The following KHSRP variants were observed in gnomAD, a reference collection of about 807,000 sequenced individuals.
The protein encoded by KHSRP is far upstream element-binding protein 2.
A neutral mutation model predicts 94.9 loss-of-function variants in KHSRP; 13 were observed. The observed-to-expected ratio is 0.14, with a 90% CI of 0.09 to 0.22. The LOEUF (loss-of-function observed/expected upper bound fraction) is 0.22, where lower values mean the gene tolerates loss of function less well. KHSRP is among the 10% of genes least tolerant of loss of function. KHSRP has a pLI of 1.00. For missense variants in KHSRP, 710 were observed against 1,010.0 expected, an observed-to-expected ratio of 0.70 and a Z score of 4.03; for synonymous variants, 495 against 401.4, an observed-to-expected ratio of 1.23 and a Z score of -2.79.
rs778396349 is a variant in KHSRP at position 6,415,009 on chromosome 19, C to T, written c.*15G>A. ...CTCCCGGAGACCTCCGGCCACACGG[C>T]CCCCGCTGCAGGCATCAAGGGCACA... is the stretch of plus-strand genomic sequence containing the variant. On this transcript the variant is annotated 3_prime_UTR_variant, in exon 19 of 19. Transcript: ENST00000600480. 1 of 1,456,216 alleles carries T rather than the reference C, an allele frequency of 6.9e-7. No individual in the cohort carries two copies. The highest frequency in any genetic ancestry group is 1.4e-5 in the South Asian group (1 of 70,108). 90.2% of individuals were successfully genotyped at this position (1,456,216 alleles called of 1,614,324 possible).
Position 6,416,348 on chromosome 19 carries a change from C to T in KHSRP, c.1548G>A (p.Gly516=). 6.2e-7 allele frequency: 1 copy of T among 1,610,058 alleles called. No individual in the cohort carries two copies. Among genetic ancestry groups the T allele is most frequent in the African/African-American group, 1.3e-5 (1 of 74,824 alleles). Residue 516 remains glycine (G), a synonymous_variant, in exon 15 of 19, where the codon GGG becomes GGA. Transcript: ENST00000600480. ...PGGPGPAGPM[G]PFNPGPFNQG... is the part of the protein sequence containing the mutation. ...GGTTGAAGGGCCCAGGATTGAAGGG[C>T]CCCATTGGGCCAGCAGGGCCTGGGC... is the stretch of plus-strand genomic sequence containing the variant.
intron 7 of KHSRP, 109 bp downstream of exon 7, chr19:6,419,094 A>T: frequency 8.2e-7 from 1 of 1,212,528 alleles, no homozygotes; most frequent in Non-Finnish European, 1.2e-6. Flanking sequence ...AGATGGGGGC[A>T]AGAATGGAGG....
At position 6,416,264 on chromosome 19, in the gene KHSRP, C is replaced by T. The variant is rs771015700; in HGVS notation, c.1598+34G>A. 1.1e-5 allele frequency: 17 copies of T among 1,520,502 alleles called. No individual in the cohort carries two copies. The Admixed American group carries it at 1.7e-4, about 15-fold the overall frequency. The allele number at this position is 1,520,502 out of a possible 1,614,324, so 94.2% of individuals were successfully genotyped here. A position where few individuals can be genotyped will look rare whatever the true frequency, so the allele number is the denominator to read the frequency against. On this transcript the variant is annotated intron_variant, in intron 15 of 18. Transcript: ENST00000600480. ...TCTTCTTGCCAGCTCAGTAAGCCCC[C>T]GGCCTCAAAACCCAGGAGGCAGAGG...
intron 10 of KHSRP, 33 bp from the exon 11 acceptor site, chr19:6,417,874 C>T (rs372710717): frequency 1.5e-4 from 244 of 1,606,392 alleles, no homozygotes; most frequent in Non-Finnish European, 1.9e-4. Context: ...CAGCTCGGCC[C>T]GCAGCTCTGC....
Position 6,414,724 on chromosome 19 carries a change from T to C in KHSRP, c.*300A>G. 9.6e-7 allele frequency: 1 copy of C among 1,045,784 alleles called. No homozygotes were observed. 64.8% of individuals were successfully genotyped at this position (1,045,784 alleles called of 1,614,324 possible). A position where few individuals can be genotyped will look rare whatever the true frequency, so the allele number is the denominator to read the frequency against. On this transcript the variant is annotated 3_prime_UTR_variant, in exon 19 of 19. Transcript: ENST00000600480. ...ATAAAAAGAACAAAAACCAAAAAAG[T>C]GATGCAGAGAAGGGGAAAAAATAGA...
intron 1 of KHSRP, 66 bp downstream of exon 1, chr19:6,424,387 A>AC (rs993464247): frequency 3.7e-5 from 29 of 774,224 alleles, no homozygotes; most frequent in Non-Finnish European, 3.7e-5. Flanking sequence ...CGCGCACGTG[A>AC]CCCCCGCCCC....
rs886849971 is a variant in KHSRP, at chr19:6,420,208, A to G, written c.476-64T>C. ...GGGAAGGGAGCCCAGGCCTCAGGAG[A>G]CTGTGTGGCCGGGGCCCCAGCCCCT... On this transcript the variant is annotated intron_variant, in intron 5 of 18. Coordinates refer to ENST00000600480, the MANE Select transcript of KHSRP (RefSeq NM_001366299.1). The G allele has an allele frequency of 6.8e-6, 10 of 1,463,796 alleles. No homozygotes were observed. The African/African-American group carries it at 1.4e-4, about 20-fold the overall frequency. 90.7% of individuals were successfully genotyped at this position (1,463,796 alleles called of 1,614,324 possible).
In KHSRP at chr19:6,415,163, G is replaced by C; in HGVS notation, c.2105C>G (p.Pro702Arg). 2 of 1,607,106 alleles carry C rather than the reference G, an allele frequency of 1.2e-6. No individual in the cohort carries two copies. The highest frequency in any genetic ancestry group is 8.5e-7 in the Non-Finnish European group (1 of 1,179,064). The change falls in exon 19 of 19, where the codon CCC (proline) becomes CGC (arginine). Residue 702 changes from proline (P) to arginine (R), a missense_variant. Around this residue, in one of 5 missense-constraint regions of KHSRP, gnomAD observed 292 missense variants for 340.5 expected, o/e 0.86. Transcript: ENST00000600480. ...TGCCTGCTGCTGTCCCTGCTGCGTGGGCGGCGGCTGGGGGCCGCCAGGACC... is the reference window on the plus strand; with the variant it reads ...TGCCTGCTGCTGTCCCTGCTGCGTGCGCGGCGGCTGGGGGCCGCCAGGACC... ...TPGPGGPQPP[P>R]TQQGQQQASG...
chr19:6,423,877 C>T (rs1038542698), intron 1 of KHSRP, among the ~76,000 whole-genome samples: 3 of 152,304 alleles, frequency 2.0e-5, no homozygotes, highest in Middle Eastern at 3.4e-3. Context: ...CCCAAAGAGA[C>T]AGACCACGCT....
rs1599234476 is a variant in KHSRP at position 6,414,456 on chromosome 19, C to G, written c.*568G>C. The stretch of plus-strand genomic sequence containing the variant: ...GCGCAGCACGACGACATGAACAATC[C>G]AGAGATCATGGTGTCCCCACAACAC... On this transcript the variant is annotated 3_prime_UTR_variant, in exon 19 of 19. Coordinates refer to ENST00000600480, the MANE Select transcript of KHSRP (RefSeq NM_001366299.1). The G allele has an allele frequency of 8.5e-7, 1 of 1,180,750 alleles. No homozygotes were observed. The highest frequency in any genetic ancestry group is 1.0e-6 in the Non-Finnish European group (1 of 952,412). 73.1% of individuals were successfully genotyped at this position (1,180,750 alleles called of 1,614,324 possible).
chr19:6,414,430 G>GGCGCAGCAC lies in KHSRP; in HGVS notation c.*585_*593dup. The GGCGCAGCAC allele has an allele frequency of 1.6e-6, 2 of 1,257,550 alleles. No individual in the cohort carries two copies. The highest frequency in any genetic ancestry group is 2.0e-6 in the Non-Finnish European group (2 of 998,808). The allele number at this position is 1,257,550 out of a possible 1,614,324, so 77.9% of individuals were successfully genotyped here. A position where few individuals can be genotyped will look rare whatever the true frequency, so the allele number is the denominator to read the frequency against. ...CTGTCTCCGGAGGGCGGTGGCTCCCGGCGCAGCACGACGACATGAACAATC... is the reference window on the plus strand; with the variant it reads ...CTGTCTCCGGAGGGCGGTGGCTCCCGGCGCAGCACGCGCAGCACGACGACATGAACAATC... On this transcript the variant is annotated 3_prime_UTR_variant, in exon 19 of 19. Coordinates refer to ENST00000600480, the MANE Select transcript of KHSRP (RefSeq NM_001366299.1).
At chr19:6,419,945 C>T (rs1237772851) in intron 6 of KHSRP, 128 bp downstream of exon 6, 3 of 713,402 alleles carry the variant, frequency 4.2e-6, no homozygotes, top group South Asian at 1.7e-5. Context: ...GAGCCTGGTC[C>T]GTAGTAAGCA....
chr19:6,415,508 G>GC (rs760905596), intron 17 of KHSRP, 26 bp downstream of exon 17: 148 of 1,538,904 alleles, frequency 9.6e-5, no homozygotes, highest in African/African-American at 5.1e-4. Flanking sequence ...CAGGGCTGGA[G>GC]CCCCCCCGCC....
intron 1 of KHSRP, 78 bp from the exon 2 acceptor site, chr19:6,422,514 A>C: frequency 9.5e-7 from 1 of 1,056,616 alleles, no homozygotes; most frequent in Non-Finnish European, 1.5e-6. Flanking sequence ...TTCTCAGAAC[A>C]TCTCCTGGAC....
chr19:6,424,445 C>T lies in KHSRP; in HGVS notation c.249+8G>A, dbSNP rs1599248407. ...CGAGCGCGCCCCTCAGGCCCTCGGC[C>T]TCCTCACCTGGCGGGCCCGCTGCAC... is the stretch of plus-strand genomic sequence containing the variant. On this transcript the variant is annotated splice_region_variant and intron_variant, in intron 1 of 18. Transcript: ENST00000600480. The T allele has an allele frequency of 5.0e-6, 5 of 991,412 alleles. No individual in the cohort carries two copies. The highest frequency in any genetic ancestry group is 1.2e-6 in the Non-Finnish European group (1 of 835,128). The allele number at this position is 991,412 out of a possible 1,614,324, so 61.4% of individuals were successfully genotyped here.
At chr19:6,422,529 AAGCCCATC>A in intron 1 of KHSRP, 93 bp from the exon 2 acceptor site, 1 of 906,784 alleles carries the variant, frequency 1.1e-6, no homozygotes. Context: ...CTGGACACGA[AAGCCCATC>A]AGGTCTTGGT....
chr19:6,414,227 GC>G lies in KHSRP; in HGVS notation c.*796del, dbSNP rs772339845. ...GGAACACCGTGGGGGGGGCCAGGAA[GC>G]CCCCTCCCAAACCTGCGCTGGCTCA... is the stretch of plus-strand genomic sequence containing the variant. On this transcript the variant is annotated 3_prime_UTR_variant, in exon 19 of 19. Coordinates refer to ENST00000600480, the MANE Select transcript of KHSRP (RefSeq NM_001366299.1). 119 of 1,520,744 alleles carry G rather than the reference GC, an allele frequency of 7.8e-5. No homozygotes were observed. Among genetic ancestry groups the G allele is most frequent in the Non-Finnish European group, 1.0e-4 (114 of 1,134,214 alleles). The allele number at this position is 1,520,744 out of a possible 1,614,324, so 94.2% of individuals were successfully genotyped here.
At chr19:6,417,143 G>A (rs1188815065) in intron 11 of KHSRP, 56 bp from the exon 12 acceptor site, 1 of 1,429,652 alleles carries the variant, frequency 7.0e-7, no homozygotes, top group Non-Finnish European at 9.5e-7. Flanking sequence ...GCCCACCCCA[G>A]AGCCCTGCAA....
chr19:6,414,296 C>A lies in KHSRP; in HGVS notation c.*728G>T, dbSNP rs1000914019. ...TGTTAACTGTCTAGCCAGGTGCTCG[C>A]GGGACTCGCTGAAGTCACGCTGCTC... On this transcript the variant is annotated 3_prime_UTR_variant, in exon 19 of 19. Coordinates refer to ENST00000600480, the MANE Select transcript of KHSRP (RefSeq NM_001366299.1). The A allele has an allele frequency of 8.6e-6, 12 of 1,387,730 alleles. No homozygotes were observed. The East Asian group carries it at 1.6e-4, about 19-fold the overall frequency. 86.0% of individuals were successfully genotyped at this position (1,387,730 alleles called of 1,614,324 possible).
Sources: gnomAD v4.1 joint callset for allele counts (sites outside exome capture counted in the v4.1 genomes callset) on GRCh38, gnomAD v4.1.1 for gene constraint, gnomAD v4.1.1 regional missense constraint, MANE v1.5 for transcripts, NCBI Gene and HGNC (gene_info 2026-07-23, HGNC 2026-07-21) for gene names.